LARS2: variants seen among roughly 807,000 people sequenced by gnomAD.
LARS2 encodes the protein leucyl-tRNA synthetase 2, mitochondrial.
Under a neutral mutation model 116.6 loss-of-function variants are expected in LARS2, and 81 were observed. The observed-to-expected ratio is 0.69, with a 90% CI of 0.58 to 0.84. The LOEUF (loss-of-function observed/expected upper bound fraction) is 0.84, where lower values mean the gene tolerates loss of function less well. Ranked by LOEUF, LARS2 falls within the 40% of genes least tolerant of loss-of-function variation. LARS2 has a pLI of 0.00. For synonymous variants in LARS2, 396 were observed against 407.2 expected, an observed-to-expected ratio of 0.97 and a Z score of 0.33; for missense variants, 968 against 1,114.5, an observed-to-expected ratio of 0.87 and a Z score of 1.87.
At chr3:45,393,420 C>T (rs551387757) in intron 2 of LARS2, among the ~76,000 whole-genome samples, 12 of 152,130 alleles carry the variant, frequency 7.9e-5, no homozygotes, top group Non-Finnish European at 1.3e-4. Context: ...ACTAAAAATA[C>T]GAAAATTAGC....
intron 3 of LARS2, among the ~76,000 whole-genome samples, chr3:45,397,091 C>T (rs375932654): frequency 6.6e-6 from 1 of 152,190 alleles, no homozygotes; most frequent in Non-Finnish European, 1.5e-5. Context: ...AAGTCAGAAG[C>T]TGACAAAAAT....
At chr3:45,404,425 T>C (rs1275008683) in intron 4 of LARS2, among the ~76,000 whole-genome samples, 1 of 152,164 alleles carries the variant, frequency 6.6e-6, no homozygotes, top group Non-Finnish European at 1.5e-5. Context: ...TGAAAGAAAG[T>C]CTGTTGAGCT....
chr3:45,430,287 T>TTA (rs1553629425), intron 6 of LARS2, among the ~76,000 whole-genome samples: 1 of 126,780 alleles, frequency 7.9e-6, no homozygotes, highest in African/African-American at 2.9e-5. Flanking sequence ...TTTTTTTTTT[T>TTA]AATTTTTTTG....
intron 3 of LARS2, among the ~76,000 whole-genome samples, chr3:45,398,487 A>C (rs1698087826): frequency 2.0e-5 from 3 of 152,234 alleles, no homozygotes; most frequent in Admixed American, 2.0e-4. Context: ...ACTGGAGTAA[A>C]GTTCTAGCAA....
chr3:45,398,028 T>C (rs1477895208), intron 3 of LARS2, among the ~76,000 whole-genome samples: 1 of 152,268 alleles, frequency 6.6e-6, no homozygotes. Flanking sequence ...CTTTCCATCC[T>C]GTTTGTATAA....
At chr3:45,507,050 A>G (rs1408072219) in intron 15 of LARS2, 1 of 152,084 alleles carries the variant, frequency 6.6e-6, no homozygotes, top group Non-Finnish European at 1.5e-5. Flanking sequence ...GAAGATATCC[A>G]AATGATTAAT....
At chr3:45,522,843 G>A (rs1700474351) in intron 19 of LARS2, among the ~76,000 whole-genome samples, 2 of 151,826 alleles carry the variant, frequency 1.3e-5, no homozygotes, top group Non-Finnish European at 2.9e-5. Flanking sequence ...CTTGAGCCCA[G>A]GATTTCGAGA....
intron 9 of LARS2, among the ~76,000 whole-genome samples, 163 bp from the exon 10 acceptor site, chr3:45,476,305 C>T (rs1699607743): frequency 6.6e-6 from 1 of 152,132 alleles, no homozygotes; most frequent in South Asian, 2.1e-4. Context: ...CTCTTCTCAG[C>T]TTCTTCCAGG....
At position 45,549,181 on chromosome 3, in the gene LARS2, A is replaced by G. The variant is rs1214570597; in HGVS notation, c.*1651A>G. On this transcript the variant is annotated 3_prime_UTR_variant, in exon 22 of 22. Transcript: ENST00000645846. ...CCACAAGTGATTCTAATGGGCAGCA[A>G]AGTTTGAGAATCACTGGACACATTG... 1 of 152,202 alleles carries G rather than the reference A, an allele frequency of 6.6e-6. No homozygotes were observed. Among genetic ancestry groups the G allele is most frequent in the Non-Finnish European group, 1.5e-5 (1 of 68,038 alleles). The allele number at this position is 152,202 out of a possible 1,614,324, so 9.4% of individuals were successfully genotyped here. A position where few individuals can be genotyped will look rare whatever the true frequency, so the allele number is the denominator to read the frequency against.
At chr3:45,472,370 T>C (rs1286105701) in intron 8 of LARS2, among the ~76,000 whole-genome samples, 1 of 152,118 alleles carries the variant, frequency 6.6e-6, no homozygotes, top group Non-Finnish European at 1.5e-5. Context: ...TTTGTCCCCT[T>C]TCAAGCGAGT....
At chr3:45,396,341 A>T (rs1698045383) in intron 3 of LARS2, among the ~76,000 whole-genome samples, 1 of 152,248 alleles carries the variant, frequency 6.6e-6, no homozygotes, top group Admixed American at 6.5e-5. Context: ...TCCAGGCCAC[A>T]TCATTTAATG....
At chr3:45,518,583 A>G (rs1700406742) in intron 18 of LARS2, among the ~76,000 whole-genome samples, 1 of 152,214 alleles carries the variant, frequency 6.6e-6, no homozygotes, top group African/African-American at 2.4e-5. Context: ...CTGAGCAGAG[A>G]TTAGAATCCC....
Position 45,498,914 on chromosome 3 carries a change from A to C in LARS2, c.1623-1528A>C, listed in dbSNP as rs371464534. On this transcript the variant is annotated intron_variant, in intron 14 of 21. Transcript: ENST00000645846. ...TGACAAGTCACCTTAAATATGTTGC[A>C]TCGCATTCAGTAAGCAATATACAGT... 2.4e-3 allele frequency among the ~76,000 whole-genome samples: 370 copies of C among 152,370 alleles called. 12 individuals are homozygous for C. In the South Asian group the frequency reaches 0.07, roughly 29 times the overall value.
At chr3:45,539,998 C>T (rs1036749978) in intron 20 of LARS2, among the ~76,000 whole-genome samples, 2 of 152,074 alleles carry the variant, frequency 1.3e-5, no homozygotes, top group East Asian at 1.9e-4. Context: ...GGGTTGGGTG[C>T]GGTGGCTCAC....
intron 20 of LARS2, among the ~76,000 whole-genome samples, chr3:45,538,640 G>A (rs969279199): frequency 1.3e-5 from 2 of 152,212 alleles, no homozygotes; most frequent in Admixed American, 6.5e-5. Flanking sequence ...CATACCACAT[G>A]ATCCTCAGCT....
intron 4 of LARS2, among the ~76,000 whole-genome samples, chr3:45,412,249 T>G (rs960614115): frequency 6.6e-6 from 1 of 152,102 alleles, no homozygotes; most frequent in South Asian, 2.1e-4. Context: ...TGTTGTCAGC[T>G]TTTTGAAGAA....
chr3:45,408,742 C>G (rs1255097076), intron 4 of LARS2, among the ~76,000 whole-genome samples: 1 of 152,230 alleles, frequency 6.6e-6, no homozygotes, highest in Non-Finnish European at 1.5e-5. Context: ...TCTCTGCAGT[C>G]TAGAGATTGT....
chr3:45,401,552 T>C (rs537769500), intron 4 of LARS2, among the ~76,000 whole-genome samples: 1 of 152,206 alleles, frequency 6.6e-6, no homozygotes, highest in Non-Finnish European at 1.5e-5. Flanking sequence ...TGAAATTTAT[T>C]GTGAGAGAGG....
At chr3:45,425,922 C>CTTT (rs200594189) in intron 6 of LARS2, among the ~76,000 whole-genome samples, 6 of 99,948 alleles carry the variant, frequency 6.0e-5, no homozygotes, top group Non-Finnish European at 6.7e-5. Flanking sequence ...CTTTTCTTTT[C>CTTT]TTTTTTTTTT....
Sources: allele counts gnomAD v4.1 joint callset (sites outside exome capture counted in the v4.1 genomes callset), GRCh38; gene constraint gnomAD v4.1.1; transcripts MANE v1.5; gene names NCBI Gene and HGNC (gene_info 2026-07-23, HGNC 2026-07-21).